Variants in NOP58 observed in about 807,000 individuals in gnomAD.
NOP58 encodes the protein NOP58 ribonucleoprotein.
NOP58 carries 44 observed loss-of-function variants against 71.2 expected under a neutral mutation model. The ratio of observed to expected loss-of-function variants is 0.62; its 90% CI spans 0.49 to 0.79. NOP58 has a LOEUF of 0.79. Ranked by LOEUF, NOP58 falls within the 30% of genes least tolerant of loss-of-function variation. The pLI, the probability that NOP58 is intolerant of heterozygous loss-of-function variation, is 0.00. For missense variants in NOP58, 538 were observed against 620.2 expected (o/e 0.87, Z 1.41); for synonymous variants, 228 against 200.3 (o/e 1.14, Z -1.17).
At position 202,300,378 on chromosome 2, in the gene NOP58, A is replaced by AT. The variant is rs372180155; in HGVS notation, c.1402+21dup. ...AGATTAAAGTTAAAGGTTAGTTTGAATTTTTTTTTTAACACAACTTATACT... is the reference window on the plus strand; with the variant it reads ...AGATTAAAGTTAAAGGTTAGTTTGAATTTTTTTTTTTAACACAACTTATACT... On this transcript the variant is annotated intron_variant, in intron 13 of 14. Transcript: ENST00000264279. The AT allele has an allele frequency of 1.8e-3, 2,674 of 1,459,952 alleles. 3 individuals are homozygous for AT. The highest frequency in any genetic ancestry group is 4.5e-3 in the South Asian group (346 of 76,354). The allele number at this position is 1,459,952 out of a possible 1,614,324, so 90.4% of individuals were successfully genotyped here. A position where few individuals can be genotyped will look rare whatever the true frequency, so the allele number is the denominator to read the frequency against.
At chr2:202,274,534 G>A (rs1395017538) in intron 1 of NOP58, among the ~76,000 whole-genome samples, 5 of 150,804 alleles carry the variant, frequency 3.3e-5, no homozygotes, top group African/African-American at 1.2e-4. Flanking sequence ...GAGCCACCAT[G>A]CTTGGCGCAA....
At chr2:202,276,525 A>G (rs1487758642) in intron 2 of NOP58, 4 of 508,944 alleles carry the variant, frequency 7.9e-6, no homozygotes, top group Admixed American at 2.0e-5. Context: ...TGAATCAACT[A>G]TATGTTTCTT....
At chr2:202,276,373 C>A in intron 2 of NOP58, 2 of 354,798 alleles carry the variant, frequency 5.6e-6, no homozygotes, top group Middle Eastern at 7.3e-4. Flanking sequence ...CTGTTTTAGG[C>A]AACTAGAAGA....
intron 5 of NOP58, among the ~76,000 whole-genome samples, chr2:202,285,341 ATTTTTTTTTT>A (rs932875625): frequency 1.2e-5 from 1 of 81,268 alleles, no homozygotes; most frequent in African/African-American, 5.6e-5. Flanking sequence ...CACACCCGGC[ATTTTTTTTTT>A]TTTTTTTTTT....
rs534949429 is a variant in NOP58, at chr2:202,284,751, C to A, written c.434+270C>A. ...CTCATCAAAGGAATTCTCTACTACT[C>A]TGATCTTGGATGCCCTGTTTCTTGG... On this transcript the variant is annotated intron_variant, in intron 5 of 14. Coordinates refer to ENST00000264279, the MANE Select transcript of NOP58 (RefSeq NM_015934.5). 4 of 335,562 alleles carry A rather than the reference C, an allele frequency of 1.2e-5. No homozygotes were observed. The South Asian group carries it at 1.8e-4, about 15-fold the overall frequency. The allele number at this position is 335,562 out of a possible 1,614,324, so 20.8% of individuals were successfully genotyped here.
Position 202,292,804 on chromosome 2 carries a change from C to G in NOP58, c.808C>G (p.Gln270Glu). Residue 270 changes from glutamine to glutamate, a missense_variant, in exon 9 of 15, where the codon CAG becomes GAG. By Grantham distance (29) the Gln-to-Glu change is conservative. Transcript: ENST00000264279. Reference sequence around the variant, plus strand: ...GATTGAAATCTCTGAATATCGAACCCAGCTCTATGAATATCTACAAAATCG... The same window carrying G: ...GATTGAAATCTCTGAATATCGAACCGAGCTCTATGAATATCTACAAAATCG... ...QVIEISEYRTQLYEYLQNRMM... is the reference protein window; with the variant it reads ...QVIEISEYRTELYEYLQNRMM... 6.2e-7 allele frequency: 1 copy of G among 1,612,302 alleles called. No homozygotes were observed. The highest frequency in any genetic ancestry group is 8.5e-7 in the Non-Finnish European group (1 of 1,178,360).
intron 1 of NOP58, among the ~76,000 whole-genome samples, chr2:202,266,340 C>G (rs1403774199): frequency 6.6e-6 from 1 of 151,616 alleles, no homozygotes; most frequent in African/African-American, 2.4e-5. Context: ...CTCTTGTTGC[C>G]CATGCTGGAG....
chr2:202,295,492 C>G (rs183885748), intron 9 of NOP58, among the ~76,000 whole-genome samples, 182 bp from the exon 10 acceptor site: 1 of 152,202 alleles, frequency 6.6e-6, no homozygotes, highest in East Asian at 1.9e-4. Context: ...CCTGCTTGTG[C>G]TAATGAAGGA....
chr2:202,280,811 C>T (rs993203049), intron 3 of NOP58, among the ~76,000 whole-genome samples: 9 of 141,748 alleles, frequency 6.3e-5, no homozygotes, highest in African/African-American at 2.5e-4. Context: ...GGCTGGAGTA[C>T]AGGGGCGCGA....
chr2:202,296,083 C>T (rs1455381883), intron 10 of NOP58, among the ~76,000 whole-genome samples: 1 of 151,970 alleles, frequency 6.6e-6, no homozygotes, highest in Non-Finnish European at 1.5e-5. Context: ...CCCCTAGAAT[C>T]TCCCTGTGGT....
chr2:202,300,056 T>C (rs1044627841), intron 12 of NOP58, 178 bp from the exon 13 acceptor site: 26 of 541,620 alleles, frequency 4.8e-5, no homozygotes, highest in Admixed American at 1.2e-4. Context: ...TTGAAAAATA[T>C]TAATACCTTT....
At chr2:202,287,514 T>A in intron 5 of NOP58, 146 bp from the exon 6 acceptor site, 1 of 591,800 alleles carries the variant, frequency 1.7e-6, no homozygotes, top group Non-Finnish European at 3.0e-6. Context: ...TCTACTTAGC[T>A]GATTTTTCTT....
At chr2:202,293,794 C>G (rs558782326) in intron 9 of NOP58, among the ~76,000 whole-genome samples, 1 of 151,282 alleles carries the variant, frequency 6.6e-6, no homozygotes, top group Admixed American at 6.6e-5. Context: ...AGGCTGGTCT[C>G]AAACTCCTGA....
chr2:202,285,128 G>T (rs951501578), intron 5 of NOP58, among the ~76,000 whole-genome samples: 3 of 152,046 alleles, frequency 2.0e-5, no homozygotes, highest in South Asian at 2.1e-4. Context: ...TGCAGCCCCT[G>T]CCTCCCAGGC....
chr2:202,301,725 G>A (rs914762058), intron 13 of NOP58, among the ~76,000 whole-genome samples: 1 of 152,036 alleles, frequency 6.6e-6, no homozygotes, highest in East Asian at 1.9e-4. Flanking sequence ...AACGCCTTAC[G>A]ACTTAAGCAT....
At chr2:202,275,454 G>T (rs1688575987) in intron 2 of NOP58, 1 of 300,826 alleles carries the variant, frequency 3.3e-6, no homozygotes. Context: ...ACCTCGGATA[G>T]TACCAAATGT....
At chr2:202,288,557 C>T (rs1316850589) in intron 6 of NOP58, among the ~76,000 whole-genome samples, 1 of 151,970 alleles carries the variant, frequency 6.6e-6, no homozygotes, top group African/African-American at 2.4e-5. Context: ...GTGGCTCACG[C>T]CTGTAATCCC....
chr2:202,297,773 C>G (rs1689017727), intron 11 of NOP58, 72 bp from the exon 12 acceptor site: 6 of 949,366 alleles, frequency 6.3e-6, no homozygotes, highest in Non-Finnish European at 9.5e-6. Context: ...CACTGATTCA[C>G]TAGACTGTAT....
intron 4 of NOP58, among the ~76,000 whole-genome samples, chr2:202,283,100 C>G (rs1661993996): frequency 6.6e-6 from 1 of 152,166 alleles, no homozygotes; most frequent in Non-Finnish European, 1.5e-5. Flanking sequence ...GTAGTCCCAG[C>G]TAATTGGGAG....
Sources: allele counts gnomAD v4.1 joint callset (sites outside exome capture counted in the v4.1 genomes callset), GRCh38; gene constraint gnomAD v4.1.1; transcripts MANE v1.5; gene names NCBI Gene and HGNC (gene_info 2026-07-23, HGNC 2026-07-21).